ITGAV: variants seen among roughly 807,000 people sequenced by gnomAD.
ITGAV encodes the protein integrin subunit alpha V.
ITGAV carries 76 observed loss-of-function variants against 143.8 expected under a neutral mutation model. That is an observed-to-expected ratio of 0.53 (90% confidence interval 0.44 to 0.64). ITGAV has a LOEUF of 0.64. Ranked by LOEUF, ITGAV falls within the 30% of genes least tolerant of loss-of-function variation. ITGAV has a pLI of 0.00. For missense variants in ITGAV, 1,193 were observed against 1,274.7 expected (o/e 0.94, Z 0.98); for synonymous variants, 453 against 446.7 (o/e 1.01, Z -0.18).
chr2:186,669,351 A>G (rs1574503178), intron 25 of ITGAV, among the ~76,000 whole-genome samples: 1 of 152,250 alleles, frequency 6.6e-6, no homozygotes, highest in East Asian at 1.9e-4. Context: ...CTATTACACA[A>G]TATGATCTAA....
intron 2 of ITGAV, among the ~76,000 whole-genome samples, chr2:186,605,740 GTATA>G (rs68052001): frequency 0.23 from 11,669 of 50,356 alleles, 4,183 homozygotes; most frequent in African/African-American, 0.48. Flanking sequence ...TTGTAGATGT[GTATA>G]TATATATATA....
chr2:186,617,143 A>C (rs1488650398), intron 2 of ITGAV, among the ~76,000 whole-genome samples: 2 of 152,220 alleles, frequency 1.3e-5, no homozygotes. Context: ...ATTTAGCTTC[A>C]AAATGGAAGT....
At chr2:186,646,472 A>G (rs1338650054) in intron 12 of ITGAV, among the ~76,000 whole-genome samples, 1 of 152,174 alleles carries the variant, frequency 6.6e-6, no homozygotes, top group African/African-American at 2.4e-5. Flanking sequence ...CTTATGGATA[A>G]AGAGTACCCT....
At chr2:186,610,080 C>A (rs1156699309) in intron 2 of ITGAV, among the ~76,000 whole-genome samples, 1 of 151,978 alleles carries the variant, frequency 6.6e-6, no homozygotes, top group Non-Finnish European at 1.5e-5. Flanking sequence ...ACTTTCAGTA[C>A]CCGTCTTATT....
At chr2:186,600,357 T>A in intron 1 of ITGAV, 2 of 1,519,306 alleles carry the variant, frequency 1.3e-6, no homozygotes, top group South Asian at 1.2e-5. Context: ...ACCCTCCTTC[T>A]GATCCTGTAC....
At chr2:186,598,731 T>G (rs1467124299) in intron 1 of ITGAV, among the ~76,000 whole-genome samples, 1 of 152,132 alleles carries the variant, frequency 6.6e-6, no homozygotes, top group Non-Finnish European at 1.5e-5. Flanking sequence ...GCCCAACCTC[T>G]TTTTTTCTTA....
Position 186,666,783 on chromosome 2 carries a change from G to A in ITGAV, c.2246G>A (p.Ser749Asn). The A allele has an allele frequency of 6.5e-7, 1 of 1,539,550 alleles. No homozygotes were observed. Among genetic ancestry groups the A allele is most frequent in the Non-Finnish European group, 8.8e-7 (1 of 1,132,638 alleles). ...GTGAAATTTGACTTACAAATCCAAAGGTATGAAAACAACTTATATTCACTT... is the reference window on the plus strand; with the variant it reads ...GTGAAATTTGACTTACAAATCCAAAAGTATGAAAACAACTTATATTCACTT... Reference protein sequence around the residue: ...TSVKFDLQIQSSNLFDKVSPV... With the variant: ...TSVKFDLQIQNSNLFDKVSPV... Residue 749 changes from serine (S) to asparagine (N), a missense_variant and splice_region_variant, in exon 22 of 30, where the codon AGC becomes AAC. By Grantham distance (46) the Ser-to-Asn change is conservative. Transcript: ENST00000261023.
chr2:186,668,985 A>C, intron 25 of ITGAV, 65 bp downstream of exon 25: 1 of 1,365,938 alleles, frequency 7.3e-7, no homozygotes, highest in Non-Finnish European at 1.0e-6. Flanking sequence ...TAAACCTGTA[A>C]AAGAAATTCA....
At chr2:186,659,259 T>C (rs746454449) in intron 18 of ITGAV, 84 bp downstream of exon 18, 17 of 910,972 alleles carry the variant, frequency 1.9e-5, no homozygotes, top group Non-Finnish European at 2.4e-5. Context: ...GGAGATTTCC[T>C]TTATCATATT....
At chr2:186,656,565 T>G (rs940965963) in intron 17 of ITGAV, among the ~76,000 whole-genome samples, 164 bp downstream of exon 17, 1 of 152,192 alleles carries the variant, frequency 6.6e-6, no homozygotes, top group African/African-American at 2.4e-5. Flanking sequence ...ATGATGGACT[T>G]CTACTTCTGG....
chr2:186,651,212 G>A (rs1031696988), intron 14 of ITGAV, among the ~76,000 whole-genome samples: 21 of 152,162 alleles, frequency 1.4e-4, no homozygotes, highest in African/African-American at 2.4e-4. Context: ...GCTATGTAGC[G>A]GAGTTTGCGA....
intron 3 of ITGAV, 138 bp downstream of exon 3, chr2:186,622,568 T>A: frequency 1.6e-6 from 1 of 615,922 alleles, no homozygotes; most frequent in Non-Finnish European, 2.9e-6. Flanking sequence ...ATAGCTCTGA[T>A]CAAAGGCCAC....
rs564237043 is a variant in ITGAV at position 186,632,690 on chromosome 2, T to C, written c.586-639T>C. On this transcript the variant is annotated intron_variant, in intron 5 of 29. Coordinates refer to ENST00000261023, the MANE Select transcript of ITGAV (RefSeq NM_002210.5). ...GATCTGAGACACTAAAAATATTTCC[T>C]TTAGCAGAAAATTCTTCAATGATTA... is the stretch of plus-strand genomic sequence containing the variant. 9.2e-5 allele frequency among the ~76,000 whole-genome samples: 14 copies of C among 152,274 alleles called. No homozygotes were observed. In the East Asian group the frequency reaches 2.5e-3, roughly 27 times the overall value.
intron 2 of ITGAV, among the ~76,000 whole-genome samples, chr2:186,618,691 A>C (rs1324042096): frequency 6.6e-6 from 1 of 152,152 alleles, no homozygotes; most frequent in African/African-American, 2.4e-5. Context: ...CACAAAGAAG[A>C]AATTTCACTT....
At chr2:186,633,752 T>C (rs2105701345) in intron 6 of ITGAV, among the ~76,000 whole-genome samples, 1 of 152,266 alleles carries the variant, frequency 6.6e-6, no homozygotes, top group South Asian at 2.1e-4. Context: ...ATAGGCCAAC[T>C]GTGGCATTCT....
At position 186,611,943 on chromosome 2, in the gene ITGAV, A is replaced by G. The variant is rs138330066; in HGVS notation, c.316+9792A>G. ...AAAAGGTAATGTCTATGAAGGTATT[A>G]GGTTGGTGCAAAAGTAATTGCGATT... On this transcript the variant is annotated intron_variant, in intron 2 of 29. Transcript: ENST00000261023. 1.6e-3 allele frequency among the ~76,000 whole-genome samples: 241 copies of G among 152,294 alleles called. 1 individual carries two copies. Among genetic ancestry groups the G allele is most frequent in the Non-Finnish European group, 2.7e-3 (186 of 68,020 alleles).
chr2:186,632,547 AC>A (rs1314976353), intron 5 of ITGAV, among the ~76,000 whole-genome samples: 3 of 152,164 alleles, frequency 2.0e-5, no homozygotes, highest in African/African-American at 4.8e-5. Context: ...GTGCTGAAAC[AC>A]AATATACCTA....
chr2:186,606,931 C>T (rs1033820319), intron 2 of ITGAV, among the ~76,000 whole-genome samples: 1 of 152,008 alleles, frequency 6.6e-6, no homozygotes, highest in African/African-American at 2.4e-5. Context: ...CCCCATTGGC[C>T]ATTCCCTCCT....
intron 2 of ITGAV, among the ~76,000 whole-genome samples, chr2:186,616,284 T>A (rs1478022212): frequency 2.1e-5 from 3 of 142,660 alleles, no homozygotes; most frequent in Non-Finnish European, 3.1e-5. Flanking sequence ...TTTTTTTTTT[T>A]TTTTTTTTTT....
Sources: gnomAD v4.1 joint callset for allele counts (sites outside exome capture counted in the v4.1 genomes callset) on GRCh38, gnomAD v4.1.1 for gene constraint, MANE v1.5 for transcripts, NCBI Gene and HGNC (gene_info 2026-07-23, HGNC 2026-07-21) for gene names.